The following DEPTOR variants were observed in gnomAD, a reference collection of about 807,000 sequenced individuals.
The protein encoded by DEPTOR is DEP domain-containing mTOR-interacting protein.
In DEPTOR, 41 loss-of-function variants were observed where a neutral mutation model predicts 41.6. The observed-to-expected ratio is 0.98, with a 90% CI of 0.77 to 1.28. The LOEUF (loss-of-function observed/expected upper bound fraction) is 1.28, where lower values mean the gene tolerates loss of function less well. Among genes scored for constraint, DEPTOR ranks in the 50% most tolerant of loss-of-function variants. The pLI is 0.00. For missense variants in DEPTOR, 514 were observed against 527.9 expected (o/e 0.97, Z 0.26); for synonymous variants, 195 against 192.3 (o/e 1.01, Z -0.12).
At chr8:120,003,148 T>C in intron 6 of DEPTOR, 37 bp downstream of exon 6, 1 of 1,600,216 alleles carries the variant, frequency 6.2e-7, no homozygotes, top group Non-Finnish European at 8.5e-7. Context: ...CCTAAGACTG[T>C]GGGGACTTGG....
intron 8 of DEPTOR, among the ~76,000 whole-genome samples, chr8:120,029,519 C>T (rs955178244): frequency 1.3e-5 from 2 of 152,024 alleles, no homozygotes; most frequent in African/African-American, 2.4e-5. Flanking sequence ...TCTCAGCCAC[C>T]GAAATAGCTG....
chr8:119,963,623 C>A (rs570598824), intron 3 of DEPTOR, among the ~76,000 whole-genome samples: 1 of 152,144 alleles, frequency 6.6e-6, no homozygotes, highest in Non-Finnish European at 1.5e-5. Context: ...GGTGCTGGGA[C>A]TACAGGTGTG....
intron 3 of DEPTOR, among the ~76,000 whole-genome samples, chr8:119,961,039 G>A (rs1401029439): frequency 6.6e-6 from 1 of 151,860 alleles, no homozygotes; most frequent in African/African-American, 2.4e-5. Flanking sequence ...GTTATTAAGT[G>A]ACTCACTGGG....
At chr8:119,902,160 G>T (rs1014310984) in intron 1 of DEPTOR, among the ~76,000 whole-genome samples, 2 of 152,068 alleles carry the variant, frequency 1.3e-5, no homozygotes, top group Admixed American at 1.3e-4. Context: ...TTTACGTGAA[G>T]TCTTGTAATA....
chr8:119,904,718 A>G (rs576125401), intron 1 of DEPTOR, among the ~76,000 whole-genome samples: 101 of 150,632 alleles, frequency 6.7e-4, no homozygotes, highest in Non-Finnish European at 1.2e-3. Context: ...CTGGTCTCGA[A>G]CTCCTGACCT....
At chr8:120,009,567 C>T (rs375899690) in intron 8 of DEPTOR, among the ~76,000 whole-genome samples, 1 of 152,076 alleles carries the variant, frequency 6.6e-6, no homozygotes, top group Admixed American at 6.5e-5. Flanking sequence ...GAGCCAAGAT[C>T]GCACCACTGC....
chr8:119,929,021 C>T (rs1753367173), intron 2 of DEPTOR, among the ~76,000 whole-genome samples: 1 of 152,184 alleles, frequency 6.6e-6, no homozygotes, highest in African/African-American at 2.4e-5. Context: ...ACTTGATCAA[C>T]ACACTGTGAG....
intron 1 of DEPTOR, among the ~76,000 whole-genome samples, chr8:119,901,412 C>A (rs1044141478): frequency 6.6e-6 from 1 of 152,120 alleles, no homozygotes; most frequent in East Asian, 1.9e-4. Flanking sequence ...CGTGGTGGCT[C>A]ACACCTGTAA....
At chr8:119,889,300 AC>A (rs764987123) in intron 1 of DEPTOR, among the ~76,000 whole-genome samples, 1 of 151,848 alleles carries the variant, frequency 6.6e-6, no homozygotes, top group Non-Finnish European at 1.5e-5. Flanking sequence ...TGATCCCAGC[AC>A]TTTGGGAGGC....
At chr8:120,028,543 C>T (rs1812837324) in intron 8 of DEPTOR, among the ~76,000 whole-genome samples, 1 of 150,344 alleles carries the variant, frequency 6.7e-6, no homozygotes, top group Admixed American at 6.6e-5. Context: ...ACTGCAACCT[C>T]CCCCTTCCAG....
intron 3 of DEPTOR, among the ~76,000 whole-genome samples, chr8:119,939,580 C>T (rs780338783): frequency 3.7e-4 from 57 of 152,040 alleles, no homozygotes; most frequent in African/African-American, 1.2e-3. Flanking sequence ...CTCCACCTCC[C>T]GGGTTCAAGT....
At chr8:119,935,285 C>T (rs1402248625) in intron 3 of DEPTOR, among the ~76,000 whole-genome samples, 1 of 152,184 alleles carries the variant, frequency 6.6e-6, no homozygotes, top group African/African-American at 2.4e-5. Flanking sequence ...TTTTACTTCT[C>T]AAAGGAAACC....
chr8:119,992,656 ATTTT>A, intron 4 of DEPTOR, among the ~76,000 whole-genome samples: 1 of 133,780 alleles, frequency 7.5e-6, no homozygotes, highest in South Asian at 2.5e-4. Flanking sequence ...AGTAGAGTAA[ATTTT>A]TTTTTTTTTT....
intron 4 of DEPTOR, among the ~76,000 whole-genome samples, chr8:119,984,753 G>A (rs1321597130): frequency 1.3e-5 from 2 of 152,192 alleles, no homozygotes; most frequent in African/African-American, 2.4e-5. Context: ...CTTTATAATA[G>A]AAAGATTTAC....
chr8:120,034,538 C>T lies in DEPTOR; in HGVS notation c.1102-15038C>T, dbSNP rs547146620. Reference sequence around the variant, plus strand: ...TCTCAGCTCACTGCAATCTCCACCTCCCGGGTTCAAGCAATTCTCCTTCCT... The same window carrying T: ...TCTCAGCTCACTGCAATCTCCACCTTCCGGGTTCAAGCAATTCTCCTTCCT... On this transcript the variant is annotated intron_variant, in intron 8 of 8. Coordinates refer to ENST00000286234, the MANE Select transcript of DEPTOR (RefSeq NM_022783.4). 3.3e-5 allele frequency among the ~76,000 whole-genome samples: 5 copies of T among 149,310 alleles called. No individual in the cohort carries two copies. The Admixed American group carries it at 3.4e-4, about 10-fold the overall frequency.
At chr8:120,037,003 C>G (rs1046881859) in intron 8 of DEPTOR, among the ~76,000 whole-genome samples, 2 of 152,078 alleles carry the variant, frequency 1.3e-5, no homozygotes, top group Non-Finnish European at 2.9e-5. Flanking sequence ...TTTAATTTTT[C>G]CTTTGTGATC....
intron 3 of DEPTOR, among the ~76,000 whole-genome samples, chr8:119,960,370 G>A (rs529157686): frequency 6.6e-6 from 1 of 152,266 alleles, no homozygotes; most frequent in East Asian, 1.9e-4. Flanking sequence ...TATGAGTTTG[G>A]GAGACAGTGA....
chr8:119,902,986 G>A (rs1362670039), intron 1 of DEPTOR, among the ~76,000 whole-genome samples: 1 of 152,164 alleles, frequency 6.6e-6, no homozygotes, highest in Non-Finnish European at 1.5e-5. Context: ...CTAAAATTGT[G>A]TGCTCCGTGA....
intron 1 of DEPTOR, 54 bp downstream of exon 1, chr8:119,874,022 C>A: frequency 1.2e-6 from 2 of 1,605,822 alleles, no homozygotes; most frequent in Admixed American, 3.4e-5. Flanking sequence ...AACGCGTGCC[C>A]GCTGCAGTCC....
Sources: gnomAD v4.1 joint callset for allele counts (sites outside exome capture counted in the v4.1 genomes callset) on GRCh38, gnomAD v4.1.1 for gene constraint, MANE v1.5 for transcripts, NCBI Gene and HGNC (gene_info 2026-07-23, HGNC 2026-07-21) for gene names.